The following SLC35F1 variants were observed in gnomAD, a reference collection of about 807,000 sequenced individuals.
SLC35F1 encodes the protein chromosome 6 open reading frame 169.
A neutral mutation model predicts 48.7 loss-of-function variants in SLC35F1; 14 were observed. The observed-to-expected ratio is 0.29, with a 90% confidence interval of 0.19 to 0.45. The LOEUF (loss-of-function observed/expected upper bound fraction) is 0.45, where lower values mean the gene tolerates loss of function less well. Among genes scored for constraint, SLC35F1 ranks in the 20% least tolerant of loss-of-function variants. The pLI is 1.00. For synonymous variants in SLC35F1, 190 were observed against 202.2 expected (o/e 0.94, Z 0.51); for missense variants, 404 against 500.0 (o/e 0.81, Z 1.83).
At chr6:118,094,062 G>A (rs897685607) in intron 1 of SLC35F1, among the ~76,000 whole-genome samples, 1 of 152,228 alleles carries the variant, frequency 6.6e-6, no homozygotes, top group Non-Finnish European at 1.5e-5. Flanking sequence ...ATAATTTGCA[G>A]GGTGGGTTTT....
chr6:118,132,724 T>C (rs993838367), intron 1 of SLC35F1, among the ~76,000 whole-genome samples: 4 of 152,244 alleles, frequency 2.6e-5, no homozygotes, highest in Admixed American at 2.0e-4. Context: ...CAAGATATTT[T>C]CCCATAGGGA....
intron 2 of SLC35F1, among the ~76,000 whole-genome samples, chr6:118,181,160 A>G (rs1774572261): frequency 6.6e-6 from 1 of 152,170 alleles, no homozygotes; most frequent in Non-Finnish European, 1.5e-5. Flanking sequence ...CAAATGATGT[A>G]CTTCAGGGAA....
At chr6:118,308,052 A>C (rs1307229339) in intron 7 of SLC35F1, among the ~76,000 whole-genome samples, 1 of 152,214 alleles carries the variant, frequency 6.6e-6, no homozygotes, top group Non-Finnish European at 1.5e-5. Context: ...ATTCACATAT[A>C]AAGTGGGACT....
At chr6:118,064,647 C>T (rs1056077810) in intron 1 of SLC35F1, among the ~76,000 whole-genome samples, 1 of 152,086 alleles carries the variant, frequency 6.6e-6, no homozygotes, top group East Asian at 1.9e-4. Context: ...TTGTCAGAGA[C>T]TTAGGGTGCT....
At chr6:118,009,452 A>T (rs909152675) in intron 1 of SLC35F1, among the ~76,000 whole-genome samples, 1 of 152,162 alleles carries the variant, frequency 6.6e-6, no homozygotes, top group Admixed American at 6.5e-5. Flanking sequence ...CCCATTTTTA[A>T]ATCTAAGGAA....
At chr6:118,184,577 G>A (rs74996242) in intron 2 of SLC35F1, among the ~76,000 whole-genome samples, 7,628 of 152,186 alleles carry the variant, frequency 0.05, 314 homozygotes, top group African/African-American at 0.11. Flanking sequence ...ACTGTCTTTC[G>A]AGTCTTTCAA....
chr6:118,251,326 ATT>A (rs1232506227), intron 3 of SLC35F1, among the ~76,000 whole-genome samples: 2 of 147,518 alleles, frequency 1.4e-5, no homozygotes, highest in Non-Finnish European at 3.0e-5. Context: ...TGTTTTTTAA[ATT>A]TTTTTTTTTT....
At chr6:117,969,945 G>T (rs906066756) in intron 1 of SLC35F1, among the ~76,000 whole-genome samples, 3 of 152,136 alleles carry the variant, frequency 2.0e-5, no homozygotes, top group Non-Finnish European at 4.4e-5. Flanking sequence ...TTCCAGAAAA[G>T]TTGAACTAAT....
intron 2 of SLC35F1, among the ~76,000 whole-genome samples, chr6:118,192,876 G>C (rs965382597): frequency 6.6e-6 from 1 of 152,078 alleles, no homozygotes; most frequent in African/African-American, 2.4e-5. Context: ...GCTGAAATTT[G>C]ATTTTGGGAA....
intron 1 of SLC35F1, among the ~76,000 whole-genome samples, chr6:117,945,857 A>G (rs1380119347): frequency 6.6e-6 from 1 of 152,232 alleles, no homozygotes; most frequent in Non-Finnish European, 1.5e-5. Context: ...ATGGTCCCCC[A>G]GAGTGAACTT....
At chr6:118,097,842 A>T (rs1056414491) in intron 1 of SLC35F1, among the ~76,000 whole-genome samples, 5 of 152,116 alleles carry the variant, frequency 3.3e-5, no homozygotes, top group African/African-American at 1.2e-4. Context: ...TCTAGAGTGA[A>T]TTTTTCATTC....
At chr6:118,088,302 T>C (rs1359620532) in intron 1 of SLC35F1, among the ~76,000 whole-genome samples, 5 of 152,214 alleles carry the variant, frequency 3.3e-5, no homozygotes, top group African/African-American at 1.2e-4. Flanking sequence ...GAAGAGAGGC[T>C]ACAATTTGTA....
rs551596270 is a variant in SLC35F1 at position 118,239,677 on chromosome 6, C to T, written c.477+4041C>T. Among the ~76,000 whole-genome samples the T allele has an allele frequency of 2.2e-4, 33 of 152,190 alleles. No homozygotes were observed. In the East Asian group the frequency reaches 5.6e-3, roughly 26 times the overall value. The stretch of plus-strand genomic sequence containing the variant: ...TATGTTCTATACCTGCCACTATATC[C>T]ATCCTGCCATCTTTCTCAAGTTAGC... On this transcript the variant is annotated intron_variant, in intron 3 of 7. Coordinates refer to ENST00000360388, the MANE Select transcript of SLC35F1 (RefSeq NM_001029858.4).
intron 1 of SLC35F1, among the ~76,000 whole-genome samples, chr6:118,059,214 T>A (rs1469132530): frequency 6.6e-6 from 1 of 152,214 alleles, no homozygotes; most frequent in Non-Finnish European, 1.5e-5. Context: ...ATCATGTTAT[T>A]CAGTACACTG....
At chr6:118,233,208 G>T (rs1406398811) in intron 2 of SLC35F1, among the ~76,000 whole-genome samples, 1 of 152,188 alleles carries the variant, frequency 6.6e-6, no homozygotes, top group Non-Finnish European at 1.5e-5. Flanking sequence ...CTCGTGATCT[G>T]CCCGCCTCAG....
chr6:118,001,573 T>C (rs1402854937), intron 1 of SLC35F1, among the ~76,000 whole-genome samples: 1 of 151,956 alleles, frequency 6.6e-6, no homozygotes, highest in African/African-American at 2.4e-5. Flanking sequence ...CCAAAAGCAA[T>C]GGCAACAAAA....
Position 117,907,528 on chromosome 6 carries a change from G to A in SLC35F1, c.-199G>A, listed in dbSNP as rs2114789740. On this transcript the variant is annotated 5_prime_UTR_variant, in exon 1 of 8. Coordinates refer to ENST00000360388, the MANE Select transcript of SLC35F1 (RefSeq NM_001029858.4). ...ACGGGCGCGAGGGTGCGCGCACTGGGACTGGAGAGGAGTGAGTGGCGGGCT... is the reference window on the plus strand; with the variant it reads ...ACGGGCGCGAGGGTGCGCGCACTGGAACTGGAGAGGAGTGAGTGGCGGGCT... 1 of 334,958 alleles carries A rather than the reference G, an allele frequency of 3.0e-6. No homozygotes were observed. The highest frequency in any genetic ancestry group is 1.1e-4 in the South Asian group (1 of 8,862). 20.7% of individuals were successfully genotyped at this position (334,958 alleles called of 1,614,324 possible). A position where few individuals can be genotyped will look rare whatever the true frequency, so the allele number is the denominator to read the frequency against.
At chr6:118,086,682 C>A (rs1037257709) in intron 1 of SLC35F1, among the ~76,000 whole-genome samples, 6 of 152,124 alleles carry the variant, frequency 3.9e-5, no homozygotes, top group Non-Finnish European at 8.8e-5. Flanking sequence ...TATTGTTGAC[C>A]CCCATAATTT....
chr6:117,991,712 G>T (rs970632497), intron 1 of SLC35F1, among the ~76,000 whole-genome samples: 33 of 152,182 alleles, frequency 2.2e-4, no homozygotes, highest in African/African-American at 7.5e-4. Flanking sequence ...CTGCTGGCAA[G>T]TCTGTCTCTT....
Sources: gnomAD v4.1 joint callset for allele counts (sites outside exome capture counted in the v4.1 genomes callset) on GRCh38, gnomAD v4.1.1 for gene constraint, MANE v1.5 for transcripts, NCBI Gene and HGNC (gene_info 2026-07-23, HGNC 2026-07-21) for gene names.